HEMK2: variants seen among roughly 807,000 people sequenced by gnomAD.
HEMK2 encodes the protein HemK methyltransferase 2, ETF1 glutamine and histone H4 lysine.
the HEMK2 span, among the ~76,000 whole-genome samples, chr21:28,669,494 T>G: frequency 1.3e-5 from 2 of 152,008 alleles, no homozygotes; most frequent in Non-Finnish European, 2.9e-5. Flanking sequence ...GACTTAACCA[T>G]GTGACTCACT....
chr21:28,865,943 C>G, the HEMK2 span, among the ~76,000 whole-genome samples: 53 of 151,838 alleles, frequency 3.5e-4, no homozygotes, highest in African/African-American at 1.2e-3. Context: ...CGGTCTCACT[C>G]TGTCACCCGG....
chr21:28,764,627 G>T, the HEMK2 span, among the ~76,000 whole-genome samples: 125 of 152,190 alleles, frequency 8.2e-4, no homozygotes, highest in African/African-American at 2.8e-3. Flanking sequence ...GGAGAGAATA[G>T]CGAGGGCATC....
the HEMK2 span, among the ~76,000 whole-genome samples, chr21:28,849,373 T>C: frequency 7.6e-3 from 1,154 of 151,556 alleles, 18 homozygotes; most frequent in African/African-American, 0.027. Flanking sequence ...AAAAAACCCA[T>C]CCAAAGGACA....
At chr21:28,789,390 T>C in the HEMK2 span, among the ~76,000 whole-genome samples, 7 of 152,094 alleles carry the variant, frequency 4.6e-5, no homozygotes, top group African/African-American at 1.7e-4. Context: ...GCCAGGAAGT[T>C]AGCACTAGCA....
chr21:28,733,321 A>G, the HEMK2 span, among the ~76,000 whole-genome samples: 1 of 152,190 alleles, frequency 6.6e-6, no homozygotes, highest in Non-Finnish European at 1.5e-5. Flanking sequence ...AAGAATAAGC[A>G]GCAATATTGT....
the HEMK2 span, among the ~76,000 whole-genome samples, chr21:28,769,301 G>A: frequency 2.3e-3 from 348 of 152,138 alleles, 2 homozygotes; most frequent in African/African-American, 7.8e-3. Context: ...AAATTTGTGC[G>A]CTGGGCTGTC....
chr21:28,667,583 GCATCATT>G, the HEMK2 span, among the ~76,000 whole-genome samples: 26 of 91,542 alleles, frequency 2.8e-4, no homozygotes, highest in Admixed American at 3.5e-4. Flanking sequence ...ATTTCACATT[GCATCATT>G]GCATGCCTCT....
the HEMK2 span, among the ~76,000 whole-genome samples, chr21:28,636,236 T>C: frequency 6.6e-6 from 1 of 152,198 alleles, no homozygotes; most frequent in Non-Finnish European, 1.5e-5. Context: ...TTATCCCTTT[T>C]GCCTACTTGT....
the HEMK2 span, among the ~76,000 whole-genome samples, chr21:28,615,193 T>C: frequency 3.1e-4 from 47 of 152,216 alleles, no homozygotes; most frequent in Non-Finnish European, 7.4e-5. Flanking sequence ...AGATCTGTAG[T>C]TCATGACCCT....
the HEMK2 span, among the ~76,000 whole-genome samples, chr21:28,759,924 A>T: frequency 8.5e-5 from 13 of 152,174 alleles, no homozygotes; most frequent in Non-Finnish European, 1.9e-4. Flanking sequence ...GTGTCAAAAC[A>T]GTTTACTACA....
the HEMK2 span, among the ~76,000 whole-genome samples, chr21:28,663,140 T>C: frequency 6.6e-6 from 1 of 152,164 alleles, no homozygotes; most frequent in Non-Finnish European, 1.5e-5. Flanking sequence ...AACTCTACCA[T>C]GCTGTTTTCA....
the HEMK2 span, among the ~76,000 whole-genome samples, chr21:28,663,497 C>T: frequency 2.6e-5 from 4 of 152,238 alleles, no homozygotes; most frequent in African/African-American, 7.2e-5. Flanking sequence ...TTTGGGACTT[C>T]TGCAGTGCAG....
chr21:28,600,116 T>C, the HEMK2 span, among the ~76,000 whole-genome samples: 1 of 152,326 alleles, frequency 6.6e-6, no homozygotes, highest in East Asian at 1.9e-4. Flanking sequence ...TGGAGGACAA[T>C]GGCCCTCTTT....
the HEMK2 span, among the ~76,000 whole-genome samples, chr21:28,809,931 G>A: frequency 9.1e-4 from 139 of 152,154 alleles, no homozygotes; most frequent in Non-Finnish European, 1.7e-3. Context: ...TCCATTTCTG[G>A]GCACAAATTT....
the HEMK2 span, among the ~76,000 whole-genome samples, chr21:28,773,061 T>G: frequency 6.6e-6 from 1 of 152,192 alleles, no homozygotes; most frequent in Non-Finnish European, 1.5e-5. Context: ...TTTTAATAAT[T>G]ACATGAGACC....
At chr21:28,598,892 G>A in the HEMK2 span, among the ~76,000 whole-genome samples, 6 of 152,202 alleles carry the variant, frequency 3.9e-5, no homozygotes, top group Non-Finnish European at 8.8e-5. Flanking sequence ...ATGAAGTCAA[G>A]ATGGAACAGC....
chr21:28,673,683 A>G, the HEMK2 span, among the ~76,000 whole-genome samples: 1 of 123,500 alleles, frequency 8.1e-6, no homozygotes, highest in African/African-American at 3.6e-5. Context: ...CACTCCAAAA[A>G]TAAACTTCAG....
At chr21:28,885,114 G>A in the HEMK2 span, 5 of 1,409,980 alleles carry the variant, frequency 3.5e-6, no homozygotes, top group African/African-American at 4.4e-5. Context: ...CGCCTGCTCC[G>A]GCTCAGGGCG....
At chr21:28,788,153 T>G in the HEMK2 span, among the ~76,000 whole-genome samples, 1 of 150,524 alleles carries the variant, frequency 6.6e-6, no homozygotes, top group African/African-American at 2.4e-5. Context: ...TATACATATA[T>G]GTATACATAT....
Sources: gnomAD v4.1 joint callset for allele counts (sites outside exome capture counted in the v4.1 genomes callset) on GRCh38, gnomAD v4.1.1 for gene constraint, MANE v1.5 for transcripts, NCBI Gene and HGNC (gene_info 2026-07-23, HGNC 2026-07-21) for gene names.